The following IQSEC1 variants were observed in gnomAD, a reference collection of about 807,000 sequenced individuals.
IQSEC1 encodes the protein IQ motif and Sec7 domain ArfGEF 1.
IQSEC1 carries 31 observed loss-of-function variants against 91.0 expected under a neutral mutation model. That is an observed-to-expected ratio of 0.34 (90% CI 0.26 to 0.46). The LOEUF (loss-of-function observed/expected upper bound fraction) is 0.46. Among genes scored for constraint, IQSEC1 ranks in the 20% least tolerant of loss-of-function variants. The probability of loss-of-function intolerance (pLI) is 1.00; values close to 1 mark genes in which losing one functional copy is unlikely to be tolerated. For synonymous variants in IQSEC1, 699 were observed against 662.6 expected (o/e 1.05, Z -0.84); for missense variants, 1,388 against 1,575.6 (o/e 0.88, Z 2.02).
chr3:13,103,852 C>T lies in IQSEC1; in HGVS notation c.303-56330G>A, dbSNP rs187015061. ...CAGCGTGCGGCACATAGTAGGTGCT[C>T]AGTAAGTCACTAAATGAGCAGCAAT... On this transcript the variant is annotated intron_variant, in intron 2 of 15. Transcript: ENST00000648114. The surrounding 1 kb of genome is among the most constrained non-coding windows in gnomAD (Gnocchi z 4.1). Among the ~76,000 whole-genome samples, 105 of 152,336 alleles carry T rather than the reference C, an allele frequency of 6.9e-4. No individual in the cohort carries two copies. The highest frequency in any genetic ancestry group is 1.1e-3 in the Admixed American group (17 of 15,310).
chr3:12,898,537 GGA>G lies in IQSEC1; in HGVS notation c.*2444_*2445del, dbSNP rs1232873401. 1 of 152,134 alleles carries G rather than the reference GGA, an allele frequency of 6.6e-6. No individual in the cohort carries two copies. Among genetic ancestry groups the G allele is most frequent in the African/African-American group, 2.4e-5 (1 of 41,422 alleles). 9.4% of individuals were successfully genotyped at this position (152,134 alleles called of 1,614,324 possible). ...GAGCTTGCAGGATGGCGATGGAGAG[GGA>G]GAGTTTCCTGAAAGCCCCTCCTGGG... On this transcript the variant is annotated 3_prime_UTR_variant, in exon 14 of 14. Coordinates refer to ENST00000613206, the MANE Select transcript of IQSEC1 (RefSeq NM_001134382.3).
rs1053695723 is a variant in IQSEC1, at chr3:12,935,051, C to A, written c.1568+397G>T. 6.7e-6 allele frequency among the ~76,000 whole-genome samples: 1 copy of A among 150,246 alleles called. No individual in the cohort carries two copies. Among genetic ancestry groups the A allele is most frequent in the African/African-American group, 2.5e-5 (1 of 40,670 alleles). On this transcript the variant is annotated intron_variant, in intron 3 of 13. Coordinates refer to ENST00000613206, the MANE Select transcript of IQSEC1 (RefSeq NM_001134382.3). This position sits in a 1 kb window ranked among gnomAD's most constrained non-coding sequence, Gnocchi z 8.0. ...CCTGCCCCCCACTGACACAACCGGT[C>A]ATACCCCTGCTCAAAGGCCTTTGTG...
In IQSEC1 at chr3:13,192,493, C is replaced by T. The variant is rs569348051; in HGVS notation, c.273-28360G>A. Among the ~76,000 whole-genome samples, 3 of 152,246 alleles carry T rather than the reference C, an allele frequency of 2.0e-5. No individual in the cohort carries two copies. The South Asian group carries it at 6.2e-4, about 32-fold the overall frequency. On this transcript the variant is annotated intron_variant, in intron 1 of 15. Transcript: ENST00000648114. ...CAGAGATGCACGCAGGGACGGACGA[C>T]GTGAAGATGCAGGAAGACAGCCCTG...
intron 1 of IQSEC1, among the ~76,000 whole-genome samples, chr3:13,056,544 A>C (rs2125076863): frequency 6.6e-6 from 1 of 152,188 alleles, no homozygotes; most frequent in Admixed American, 6.5e-5. Context: ...AAGGCTCAGA[A>C]AGGTGGAGAC....
rs1454988908 is a variant in IQSEC1, at chr3:12,901,098, G to A, written c.3230C>T (p.Pro1077Leu). 3.1e-5 allele frequency: 47 copies of A among 1,539,694 alleles called. No individual in the cohort carries two copies. Among genetic ancestry groups the A allele is most frequent in the Admixed American group, 1.2e-4 (6 of 50,682 alleles). ...PAYGAHAHGH[P>L]PLPSAHVGHT... is the part of the protein sequence containing the mutation. ...CCCCACGTGGGCCGAGGGCAGCGGC[G>A]GGTGGCCGTGGGCATGGGCCCCGTA... The change falls in exon 14 of 14, where the codon CCG (proline) becomes CTG (leucine). Residue 1077 changes from proline to leucine, a missense_variant. This residue lies in a region of IQSEC1 where 329 missense variants were observed against 257.8 expected (regional missense o/e 1.28). Coordinates refer to ENST00000613206, the MANE Select transcript of IQSEC1 (RefSeq NM_001134382.3).
At chr3:12,966,929 C>T (rs574855366) in intron 1 of IQSEC1, among the ~76,000 whole-genome samples, 2 of 152,266 alleles carry the variant, frequency 1.3e-5, no homozygotes, top group East Asian at 1.9e-4. Flanking sequence ...CTGGCAGCTC[C>T]GGCCCTGCCT....
At chr3:13,161,617 A>G (rs952529352) in intron 2 of IQSEC1, among the ~76,000 whole-genome samples, 6 of 152,224 alleles carry the variant, frequency 3.9e-5, no homozygotes, top group Non-Finnish European at 8.8e-5. Context: ...ATGCCTGTGC[A>G]TGATGGGGAC....
intron 1 of IQSEC1, among the ~76,000 whole-genome samples, chr3:13,279,321 T>C (rs1695747257): frequency 1.3e-5 from 2 of 152,230 alleles, no homozygotes; most frequent in South Asian, 4.1e-4. Flanking sequence ...ATATGAATTC[T>C]GATGTCAGGG....
chr3:13,026,391 C>T (rs777669184), intron 1 of IQSEC1, among the ~76,000 whole-genome samples: 1 of 152,222 alleles, frequency 6.6e-6, no homozygotes, highest in Non-Finnish European at 1.5e-5. Flanking sequence ...TGTTTCCTAC[C>T]AGGACCCAAT....
chr3:13,165,535 G>GGTGTGTGTGTGTGTGTGT (rs1470204790), intron 1 of IQSEC1, among the ~76,000 whole-genome samples: 4 of 88,992 alleles, frequency 4.5e-5, no homozygotes, highest in African/African-American at 9.3e-5. Flanking sequence ...GTGGGGGGGT[G>GGTGTGTGTGTGTGTGTGT]GCGTGTGTGT....
Position 12,935,357 on chromosome 3 carries a change from G to A in IQSEC1, c.1568+91C>T. 2 of 1,305,558 alleles carry A rather than the reference G, an allele frequency of 1.5e-6. No homozygotes were observed. Among genetic ancestry groups the A allele is most frequent in the Admixed American group, 3.8e-5 (2 of 53,078 alleles). The allele number at this position is 1,305,558 out of a possible 1,614,324, so 80.9% of individuals were successfully genotyped here. ...GCTCATAGGCCACGGTGGACCTCAA[G>A]CTCCGTGCTTGGAAGGATGCAGCCA... On this transcript the variant is annotated intron_variant, in intron 3 of 13. Transcript: ENST00000613206. This position sits in a 1 kb window ranked among gnomAD's most constrained non-coding sequence, Gnocchi z 8.0.
intron 1 of IQSEC1, among the ~76,000 whole-genome samples, chr3:12,942,491 T>G (rs1278293882): frequency 1.3e-5 from 2 of 151,546 alleles, no homozygotes; most frequent in African/African-American, 4.9e-5. Flanking sequence ...TAGTCCCAGC[T>G]ACTCAGGAGG....
At chr3:13,155,739 T>A (rs1278684139) in intron 2 of IQSEC1, among the ~76,000 whole-genome samples, 1 of 152,078 alleles carries the variant, frequency 6.6e-6, no homozygotes, top group Non-Finnish European at 1.5e-5. Flanking sequence ...GCAACAAAAT[T>A]CAGTAGCCCA....
At chr3:13,017,356 C>A (rs1164550365) in intron 1 of IQSEC1, among the ~76,000 whole-genome samples, 1 of 152,226 alleles carries the variant, frequency 6.6e-6, no homozygotes, top group African/African-American at 2.4e-5. Flanking sequence ...GGGTCTAGCC[C>A]GGGGCAGCAA....
intron 1 of IQSEC1, among the ~76,000 whole-genome samples, chr3:12,981,923 T>C (rs886263621): frequency 6.6e-6 from 1 of 152,208 alleles, no homozygotes. Flanking sequence ...CTGCTGCCTG[T>C]TCCATAGATG....
rs34511430 is a variant in IQSEC1, at chr3:13,109,884, CT to C, written c.302+54219del. Among the ~76,000 whole-genome samples, 364 of 123,216 alleles carry C rather than the reference CT, an allele frequency of 3.0e-3. 1 individual carries two copies. The highest frequency in any genetic ancestry group is 5.5e-3 in the African/African-American group (183 of 33,104). The allele number at this position is 123,216 out of a possible 152,430, so 80.8% of individuals were successfully genotyped here. A position where few individuals can be genotyped will look rare whatever the true frequency, so the allele number is the denominator to read the frequency against. ...TACAGGCTGTTACAAGGGATAAATT[CT>C]TTTTTTTTTTTTTTTTTGAGACGGA... On this transcript the variant is annotated intron_variant, in intron 2 of 15. Coordinates refer to the IQSEC1 transcript ENST00000648114.
In IQSEC1 at chr3:12,908,395, G is replaced by C; in HGVS notation, c.2709C>G (p.Leu903=). The C allele has an allele frequency of 6.2e-7, 1 of 1,612,786 alleles. No homozygotes were observed. Reference sequence around the variant, plus strand: ...GGGAGCTGCTGAGGGCGCTGCGCTTGAGGCCCTCACCGCTGGCATAGCTGT... The same window carrying C: ...GGGAGCTGCTGAGGGCGCTGCGCTTCAGGCCCTCACCGCTGGCATAGCTGT... ...LDDSYASGEG[L]KRSALSSSLR... The change falls in exon 12 of 14, where the codon CTC becomes CTG. Residue 903 remains leucine, a synonymous_variant. Coordinates refer to ENST00000613206, the MANE Select transcript of IQSEC1 (RefSeq NM_001134382.3). The surrounding 1 kb of genome is among the most constrained non-coding windows in gnomAD (Gnocchi z 4.9).
intron 12 of IQSEC1, among the ~76,000 whole-genome samples, chr3:12,905,438 G>A (rs529327748): frequency 2.6e-5 from 4 of 152,372 alleles, no homozygotes; most frequent in Admixed American, 1.3e-4. Context: ...ATGCACACTC[G>A]GCCGGCGCTG....
chr3:13,213,905 AT>A (rs1343993996), intron 1 of IQSEC1, among the ~76,000 whole-genome samples: 2 of 152,124 alleles, frequency 1.3e-5, no homozygotes, highest in African/African-American at 2.4e-5. Flanking sequence ...CTGGGCTCGT[AT>A]CCACAGCCAG....
Sources: gnomAD v4.1 joint callset for allele counts (sites outside exome capture counted in the v4.1 genomes callset) on GRCh38, gnomAD v4.1.1 for gene constraint, gnomAD v4.1.1 regional missense constraint, Gnocchi (gnomAD v3.1) non-coding constraint, MANE v1.5 for transcripts, NCBI Gene and HGNC (gene_info 2026-07-23, HGNC 2026-07-21) for gene names.